Variants in GNA13 observed in about 807,000 individuals in gnomAD.
GNA13 encodes guanine nucleotide-binding protein subunit alpha-13.
GNA13 carries 4 observed loss-of-function variants against 33.5 expected under a neutral mutation model. The observed-to-expected ratio is 0.12, with a 90% CI of 0.06 to 0.27. The LOEUF is 0.27. Among genes scored for constraint, GNA13 ranks in the 10% least tolerant of loss-of-function variants. GNA13 has a pLI of 1.00. For missense variants in GNA13, 319 were observed against 487.2 expected (o/e 0.65, Z 3.25); for synonymous variants, 176 against 183.8 (o/e 0.96, Z 0.34).
At chr17:65,033,438 G>A (rs1474740175) in intron 2 of GNA13, among the ~76,000 whole-genome samples, 1 of 151,746 alleles carries the variant, frequency 6.6e-6, no homozygotes, top group African/African-American at 2.4e-5. Context: ...AGTGAGCTAT[G>A]ATTGCACCAC....
intron 2 of GNA13, among the ~76,000 whole-genome samples, chr17:65,031,929 T>A (rs1016993348): frequency 0.012 from 1,534 of 132,602 alleles, 9 homozygotes; most frequent in Admixed American, 0.024. Flanking sequence ...AGAGTGTGTG[T>A]GTGTGTGTGT....
At chr17:65,035,031 C>T (rs1314328289) in intron 2 of GNA13, among the ~76,000 whole-genome samples, 7 of 152,022 alleles carry the variant, frequency 4.6e-5, no homozygotes, top group Non-Finnish European at 1.0e-4. Context: ...GTGATCCACC[C>T]GCCTTGGCCT....
chr17:65,021,932 G>A (rs1432820033), intron 2 of GNA13, among the ~76,000 whole-genome samples: 2 of 152,160 alleles, frequency 1.3e-5, no homozygotes, highest in African/African-American at 2.4e-5. Context: ...CACTGAAAAA[G>A]TATATACAAC....
Position 65,010,311 on chromosome 17 carries a change from T to A in GNA13, c.*3946A>T, listed in dbSNP as rs1906142954. Among the ~76,000 whole-genome samples the A allele has an allele frequency of 6.6e-6, 1 of 152,038 alleles. No individual in the cohort carries two copies. The highest frequency in any genetic ancestry group is 2.1e-4 in the South Asian group (1 of 4,818). ...TGAAAAAGCCATAAAGTCCAACTTG[T>A]TTAAAATGTTCAGACTTAGACTTAC... On this transcript the variant is annotated 3_prime_UTR_variant, in exon 4 of 4. Coordinates refer to ENST00000439174, the MANE Select transcript of GNA13 (RefSeq NM_006572.6).
chr17:65,027,091 T>G (rs1415359060), intron 2 of GNA13, among the ~76,000 whole-genome samples: 2 of 152,104 alleles, frequency 1.3e-5, no homozygotes, highest in African/African-American at 4.8e-5. Context: ...TTTCCCAGCA[T>G]ATTCTTAAGG....
chr17:65,053,685 G>A lies in GNA13; in HGVS notation c.327C>T (p.Pro109=). ...LVDAREKLHI[P]WGDNSNQQHG... ...GTTGTTGGTTTGAGTTGTCTCCCCAGGGAATATGAAGCTTCTCTCGAGCAT... is the reference window on the plus strand; with the variant it reads ...GTTGTTGGTTTGAGTTGTCTCCCCAAGGAATATGAAGCTTCTCTCGAGCAT... The change falls in exon 2 of 4, where the codon CCC becomes CCT. Residue 109 remains proline (P), a synonymous_variant. Transcript: ENST00000439174. 2 of 1,613,886 alleles carry A rather than the reference G, an allele frequency of 1.2e-6. No individual in the cohort carries two copies. Among genetic ancestry groups the A allele is most frequent in the South Asian group, 1.1e-5 (1 of 91,080 alleles).
chr17:65,047,147 GT>G (rs1907694791), intron 2 of GNA13, among the ~76,000 whole-genome samples: 1 of 152,170 alleles, frequency 6.6e-6, no homozygotes. Context: ...AAAGCTCTGG[GT>G]TTACAAGATT....
intron 2 of GNA13, among the ~76,000 whole-genome samples, chr17:65,050,212 G>A (rs1170344629): frequency 1.3e-5 from 2 of 152,158 alleles, no homozygotes; most frequent in Non-Finnish European, 2.9e-5. Context: ...GAGGAAAGGA[G>A]GGAATGAATG....
At chr17:65,050,870 T>C (rs941590525) in intron 2 of GNA13, among the ~76,000 whole-genome samples, 1 of 152,242 alleles carries the variant, frequency 6.6e-6, no homozygotes, top group African/African-American at 2.4e-5. Context: ...AAAAAGTATT[T>C]CTGGAACTTA....
chr17:65,017,779 T>C (rs1906424114), intron 3 of GNA13, among the ~76,000 whole-genome samples: 1 of 152,142 alleles, frequency 6.6e-6, no homozygotes, highest in South Asian at 2.1e-4. Flanking sequence ...TCAAAAGATT[T>C]GGAAATCAGT....
At chr17:65,037,374 G>A (rs1907284949) in intron 2 of GNA13, among the ~76,000 whole-genome samples, 3 of 152,060 alleles carry the variant, frequency 2.0e-5, no homozygotes, top group Admixed American at 6.6e-5. Flanking sequence ...CTCCTCTTAA[G>A]CCCTTCTAGG....
chr17:65,018,193 G>A (rs965916530), intron 3 of GNA13, 60 bp downstream of exon 3: 6 of 678,546 alleles, frequency 8.8e-6, no homozygotes, highest in East Asian at 4.3e-5. Context: ...TCCTAACATC[G>A]ATATCCTGAC....
rs2143763860 is a variant in GNA13 at position 65,013,346 on chromosome 17, T to C, written c.*911A>G. ...AATGATTTCCTACAGTAAGGATTGG[T>C]CTTTACTGACCAACTGAGATAGGGC... On this transcript the variant is annotated 3_prime_UTR_variant, in exon 4 of 4. Transcript: ENST00000439174. 4.8e-6 allele frequency: 1 copy of C among 210,214 alleles called. No individual in the cohort carries two copies. Among genetic ancestry groups the C allele is most frequent in the East Asian group, 7.2e-5 (1 of 13,954 alleles). 13.0% of individuals were successfully genotyped at this position (210,214 alleles called of 1,614,324 possible).
chr17:65,046,950 C>A (rs1907686456), intron 2 of GNA13, among the ~76,000 whole-genome samples: 2 of 151,922 alleles, frequency 1.3e-5, no homozygotes, highest in African/African-American at 2.4e-5. Context: ...AAGTTTTCAC[C>A]CAAAAAAATG....
At chr17:65,017,965 A>G (rs1374654597) in intron 3 of GNA13, among the ~76,000 whole-genome samples, 2 of 152,020 alleles carry the variant, frequency 1.3e-5, no homozygotes, top group African/African-American at 2.4e-5. Context: ...GGACAGTTAG[A>G]GGGAGAAAAA....
intron 2 of GNA13, among the ~76,000 whole-genome samples, chr17:65,038,399 T>C (rs1434103803): frequency 3.2e-4 from 3 of 9,512 alleles, no homozygotes; most frequent in Admixed American, 2.4e-3. Flanking sequence ...CAAGACACCA[T>C]CTCAAAAAAA....
intron 2 of GNA13, among the ~76,000 whole-genome samples, chr17:65,052,366 C>A (rs1288162141): frequency 6.6e-6 from 1 of 152,232 alleles, no homozygotes; most frequent in Non-Finnish European, 1.5e-5. Flanking sequence ...GTTGGCCAGG[C>A]TGGTTTCAAA....
At chr17:65,041,693 T>G (rs1186925626) in intron 2 of GNA13, among the ~76,000 whole-genome samples, 1 of 151,638 alleles carries the variant, frequency 6.6e-6, no homozygotes, top group Non-Finnish European at 1.5e-5. Context: ...GAGACAAAGG[T>G]GAAGGAAGAG....
chr17:65,041,447 G>T (rs1907450093), intron 2 of GNA13, among the ~76,000 whole-genome samples: 1 of 151,848 alleles, frequency 6.6e-6, no homozygotes, highest in Non-Finnish European at 1.5e-5. Context: ...TTTTTAGTTG[G>T]TTTTTATACA....
Sources: allele counts gnomAD v4.1 joint callset (sites outside exome capture counted in the v4.1 genomes callset), GRCh38; gene constraint gnomAD v4.1.1; transcripts MANE v1.5; gene names NCBI Gene and HGNC (gene_info 2026-07-23, HGNC 2026-07-21).